RALYL: variants seen among roughly 807,000 people sequenced by gnomAD.
The protein encoded by RALYL is RNA-binding Raly-like protein.
In RALYL, 29 loss-of-function variants were observed where a neutral mutation model predicts 35.1. That is an observed-to-expected ratio of 0.83 (90% confidence interval 0.61 to 1.13). RALYL has a LOEUF of 1.13. Among genes scored for constraint, RALYL ranks in the 50% most tolerant of loss-of-function variants. The pLI, the probability that RALYL is intolerant of heterozygous loss-of-function variation, is 0.00. For missense variants in RALYL, 359 were observed against 360.4 expected (o/e 1.00, Z 0.03); for synonymous variants, 120 against 127.6 (o/e 0.94, Z 0.40).
chr8:84,358,640 G>C (rs1056809068), intron 1 of RALYL, among the ~76,000 whole-genome samples: 4 of 152,052 alleles, frequency 2.6e-5, no homozygotes, highest in Non-Finnish European at 5.9e-5. Flanking sequence ...TACATGCTGA[G>C]AAGAATATGG....
chr8:84,518,372 A>G (rs2058216388), intron 1 of RALYL, among the ~76,000 whole-genome samples: 1 of 152,200 alleles, frequency 6.6e-6, no homozygotes, highest in Non-Finnish European at 1.5e-5. Flanking sequence ...ACTCATGGAT[A>G]TCATGATAGA....
chr8:84,323,982 T>C (rs1023209498), intron 1 of RALYL, among the ~76,000 whole-genome samples: 2 of 152,094 alleles, frequency 1.3e-5, no homozygotes, highest in African/African-American at 4.8e-5. Context: ...GAGTCTCTTG[T>C]ATTATTATAG....
intron 1 of RALYL, among the ~76,000 whole-genome samples, chr8:84,298,252 G>C (rs1228914653): frequency 6.6e-6 from 1 of 152,026 alleles, no homozygotes; most frequent in Admixed American, 6.6e-5. Context: ...TCTTACACAA[G>C]GCTAGCCAGT....
chr8:84,676,679 T>C (rs1246061956), intron 2 of RALYL, among the ~76,000 whole-genome samples: 1 of 152,226 alleles, frequency 6.6e-6, no homozygotes, highest in African/African-American at 2.4e-5. Context: ...TCATTAAGCC[T>C]CAATTAAATG....
At chr8:84,778,683 C>T (rs1817411710) in intron 3 of RALYL, among the ~76,000 whole-genome samples, 1 of 152,118 alleles carries the variant, frequency 6.6e-6, no homozygotes, top group African/African-American at 2.4e-5. Flanking sequence ...AAAACTGGGG[C>T]ATTATGGTGC....
At chr8:84,898,962 G>A (rs1212272016) in intron 8 of RALYL, among the ~76,000 whole-genome samples, 2 of 152,130 alleles carry the variant, frequency 1.3e-5, no homozygotes, top group Non-Finnish European at 2.9e-5. Context: ...GTTTGAGCCA[G>A]GGTGTTCTTT....
chr8:84,543,656 A>G (rs2060165709), intron 2 of RALYL, among the ~76,000 whole-genome samples: 1 of 152,092 alleles, frequency 6.6e-6, no homozygotes, highest in Non-Finnish European at 1.5e-5. Flanking sequence ...TGGTCAAATT[A>G]TTATGACTTT....
At position 84,283,924 on chromosome 8, in the gene RALYL, G is replaced by T. The variant is rs577967826; in HGVS notation, c.-24+99500G>T. On this transcript the variant is annotated intron_variant, in intron 1 of 8. Transcript: ENST00000521268. ...CCTAGTGGAATTATAAAAGGTATTGGTTATATGTATTAAATGGAACCTTAC... is the reference window on the plus strand; with the variant it reads ...CCTAGTGGAATTATAAAAGGTATTGTTTATATGTATTAAATGGAACCTTAC... 1.4e-4 allele frequency among the ~76,000 whole-genome samples: 21 copies of T among 151,978 alleles called. No individual in the cohort carries two copies. The South Asian group carries it at 4.1e-3, about 30-fold the overall frequency.
chr8:84,333,734 G>A (rs905989192), intron 1 of RALYL, among the ~76,000 whole-genome samples: 3 of 152,108 alleles, frequency 2.0e-5, no homozygotes, highest in East Asian at 3.9e-4. Context: ...GTTGGAGACT[G>A]TAATCCCAGT....
At chr8:84,689,980 T>A (rs969757428) in intron 2 of RALYL, among the ~76,000 whole-genome samples, 1 of 152,136 alleles carries the variant, frequency 6.6e-6, no homozygotes, top group Non-Finnish European at 1.5e-5. Flanking sequence ...TTGAGGTTCC[T>A]CAAAAAATTA....
chr8:84,792,613 C>A (rs555707421), intron 3 of RALYL, among the ~76,000 whole-genome samples: 1 of 152,200 alleles, frequency 6.6e-6, no homozygotes, highest in East Asian at 1.9e-4. Flanking sequence ...TGGGGAACCA[C>A]CTTCTTCGAC....
At chr8:84,602,684 TC>T (rs1227999298) in intron 2 of RALYL, among the ~76,000 whole-genome samples, 1 of 152,148 alleles carries the variant, frequency 6.6e-6, no homozygotes, top group Admixed American at 6.6e-5. Flanking sequence ...TGCATTCATT[TC>T]CATTTATCCA....
intron 1 of RALYL, among the ~76,000 whole-genome samples, chr8:84,470,162 C>T (rs2052516177): frequency 6.6e-6 from 1 of 152,256 alleles, no homozygotes; most frequent in African/African-American, 2.4e-5. Flanking sequence ...CTTGGCTCCT[C>T]CCTCCAAAAC....
chr8:84,790,883 G>A (rs531008440), intron 3 of RALYL, among the ~76,000 whole-genome samples: 1 of 152,270 alleles, frequency 6.6e-6, no homozygotes, highest in East Asian at 1.9e-4. Flanking sequence ...CCAGAACTTG[G>A]TGATTGCCAC....
chr8:84,621,859 T>G (rs896803662), intron 2 of RALYL, among the ~76,000 whole-genome samples: 6 of 152,210 alleles, frequency 3.9e-5, no homozygotes, highest in African/African-American at 1.4e-4. Flanking sequence ...TGTGGATTTC[T>G]AGTCCTTTGC....
At chr8:84,851,883 A>G (rs1835924159) in intron 5 of RALYL, among the ~76,000 whole-genome samples, 1 of 152,106 alleles carries the variant, frequency 6.6e-6, no homozygotes, top group African/African-American at 2.4e-5. Flanking sequence ...CCTAATTTCT[A>G]TTGCTATATT....
chr8:84,682,508 C>G (rs1183902834), intron 2 of RALYL, among the ~76,000 whole-genome samples: 2 of 152,164 alleles, frequency 1.3e-5, no homozygotes, highest in Non-Finnish European at 2.9e-5. Flanking sequence ...ATTATTGCCT[C>G]AATTTCAGAG....
At chr8:84,869,013 T>TTATA (rs139498971) in intron 6 of RALYL, among the ~76,000 whole-genome samples, 3,236 of 151,188 alleles carry the variant, frequency 0.021, 111 homozygotes, top group African/African-American at 0.074. Flanking sequence ...TATAGGATAT[T>TTATA]TATATATATA....
At chr8:84,400,878 T>G (rs143043235) in intron 1 of RALYL, among the ~76,000 whole-genome samples, 5 of 152,320 alleles carry the variant, frequency 3.3e-5, no homozygotes, top group Admixed American at 6.5e-5. Context: ...TGTTTTATTA[T>G]TTAATAAGGA....
Sources: gnomAD v4.1 joint callset for allele counts (sites outside exome capture counted in the v4.1 genomes callset) on GRCh38, gnomAD v4.1.1 for gene constraint, MANE v1.5 for transcripts, NCBI Gene and HGNC (gene_info 2026-07-23, HGNC 2026-07-21) for gene names.